Variants in KLHL12 observed in about 807,000 individuals in gnomAD.
KLHL12 encodes kelch like family member 12, also known as kelch-like protein 12.
KLHL12 carries 17 observed loss-of-function variants against 60.8 expected under a neutral mutation model. That is an observed-to-expected ratio of 0.28 (90% CI 0.19 to 0.42). The LOEUF (loss-of-function observed/expected upper bound fraction) is 0.42, where lower values mean the gene tolerates loss of function less well. Among genes scored for constraint, KLHL12 ranks in the 10% least tolerant of loss-of-function variants. The pLI is 1.00. For synonymous variants in KLHL12, 220 were observed against 250.9 expected (o/e 0.88, Z 1.16); for missense variants, 468 against 722.3 (o/e 0.65, Z 4.04).
At position 202,894,231 on chromosome 1, in the gene KLHL12, T is replaced by C. The variant is rs1037191611; in HGVS notation, c.1346A>G (p.His449Arg). 2 of 1,558,412 alleles carry C rather than the reference T, an allele frequency of 1.3e-6. No homozygotes were observed. Among genetic ancestry groups the C allele is most frequent in the African/African-American group, 1.4e-5 (1 of 73,630 alleles). The change falls in exon 10 of 12, where the codon CAT (histidine) becomes CGT (arginine). Residue 449 changes from histidine to arginine, a missense_variant. By Grantham distance (29) the His-to-Arg change is conservative. Transcript: ENST00000367261. ...TGTAACATTAGTCCAATGTCCTGTA[T>C]GAGGGTCGTATTTCTCAACTGAATT... is the stretch of plus-strand genomic sequence containing the variant. ...ILNSVEKYDP[H>R]TGHWTNVTPM...
At chr1:202,925,868 G>C (rs899055382) in intron 1 of KLHL12, among the ~76,000 whole-genome samples, 3 of 152,158 alleles carry the variant, frequency 2.0e-5, no homozygotes, top group African/African-American at 7.2e-5. Flanking sequence ...CACTTTAGGA[G>C]GCTGAGGTGG....
At position 202,896,898 on chromosome 1, in the gene KLHL12, C is replaced by T; in HGVS notation, c.895G>A (p.Val299Ile). ...TGAGTCTTGGGGTCATATTTCTCTA[C>T]CACATCAATGGGAGACTGCTGGCTT... ...FGSQQSPIDV[V>I]EKYDPKTQEW... The change falls in exon 7 of 12, where the codon GTA becomes ATA. Residue 299 changes from valine to isoleucine, a missense_variant. Around this residue, in one of 4 missense-constraint regions of KLHL12, gnomAD observed 339 missense variants for 525.0 expected, o/e 0.65. Transcript: ENST00000367261. The T allele has an allele frequency of 8.7e-6, 14 of 1,614,180 alleles. No individual in the cohort carries two copies. The highest frequency in any genetic ancestry group is 1.2e-5 in the Non-Finnish European group (14 of 1,180,026).
At chr1:202,919,679 T>C in intron 3 of KLHL12, 76 bp downstream of exon 3, 2 of 1,380,270 alleles carry the variant, frequency 1.4e-6, no homozygotes, top group Non-Finnish European at 2.0e-6. Context: ...ATGTTCATGA[T>C]TAAGTTTACA....
chr1:202,913,115 G>C (rs183670774), intron 4 of KLHL12, among the ~76,000 whole-genome samples: 1 of 151,672 alleles, frequency 6.6e-6, no homozygotes, highest in Non-Finnish European at 1.5e-5. Context: ...AGGAACTACT[G>C]TGTATTACGC....
intron 6 of KLHL12, among the ~76,000 whole-genome samples, chr1:202,903,417 G>T (rs1336904870): frequency 1.4e-5 from 2 of 140,096 alleles, no homozygotes; most frequent in African/African-American, 5.3e-5. Context: ...GCCCTTCTGC[G>T]AACTGTACAC....
At chr1:202,903,629 C>CTTTTCTTTTTTTTT (rs1473582493) in intron 6 of KLHL12, among the ~76,000 whole-genome samples, 8 of 76,090 alleles carry the variant, frequency 1.1e-4, no homozygotes, top group African/African-American at 2.2e-4. Context: ...TTTTTCTTTT[C>CTTTTCTTTTTTTTT]TTTTTTTTTT....
intron 10 of KLHL12, 124 bp downstream of exon 10, chr1:202,894,058 CAG>C: frequency 1.7e-6 from 1 of 582,248 alleles, no homozygotes; most frequent in Non-Finnish European, 3.1e-6. Flanking sequence ...TTAGAGAAAA[CAG>C]AGACAAGGAG....
intron 1 of KLHL12, 94 bp from the exon 2 acceptor site, chr1:202,925,301 T>A: frequency 2.8e-6 from 4 of 1,406,012 alleles, no homozygotes; most frequent in Non-Finnish European, 3.8e-6. Context: ...CCTAAGAGGC[T>A]TCCTCAGACC....
At chr1:202,906,928 C>T (rs1660211342) in intron 6 of KLHL12, among the ~76,000 whole-genome samples, 1 of 152,106 alleles carries the variant, frequency 6.6e-6, no homozygotes, top group African/African-American at 2.4e-5. Context: ...TCCCAAAGTG[C>T]TGGGATTACA....
At chr1:202,911,703 A>C (rs1660367051) in intron 4 of KLHL12, 2 of 562,662 alleles carry the variant, frequency 3.6e-6, no homozygotes, top group Non-Finnish European at 3.2e-6. Flanking sequence ...CCTCTGAAGC[A>C]GGAGCTTCTC....
chr1:202,898,348 A>G (rs1266912060), intron 6 of KLHL12, among the ~76,000 whole-genome samples: 1 of 152,250 alleles, frequency 6.6e-6, no homozygotes, highest in African/African-American at 2.4e-5. Flanking sequence ...TCTTATGAGT[A>G]ACCTGGACTT....
chr1:202,899,567 TG>T (rs1466420147), intron 6 of KLHL12, among the ~76,000 whole-genome samples: 1 of 152,092 alleles, frequency 6.6e-6, no homozygotes, highest in African/African-American at 2.4e-5. Flanking sequence ...GGCTCATGCC[TG>T]TAATCCTAGC....
intron 4 of KLHL12, among the ~76,000 whole-genome samples, chr1:202,917,248 T>C (rs1267690398): frequency 6.6e-6 from 1 of 152,144 alleles, no homozygotes; most frequent in Non-Finnish European, 1.5e-5. Context: ...AGGGTCTCCC[T>C]CTGTTGCCTA....
chr1:202,892,791 G>A (rs1326980283), intron 11 of KLHL12, 132 bp from the exon 12 acceptor site: 4 of 831,536 alleles, frequency 4.8e-6, no homozygotes, highest in Non-Finnish European at 7.4e-6. Context: ...GACCAGCCTG[G>A]GCAACATGGT....
chr1:202,920,886 G>A (rs114296224), intron 2 of KLHL12, among the ~76,000 whole-genome samples: 242 of 152,238 alleles, frequency 1.6e-3, no homozygotes, highest in African/African-American at 5.4e-3. Context: ...ACATAACACT[G>A]GTCCGTGAAC....
intron 4 of KLHL12, among the ~76,000 whole-genome samples, chr1:202,913,172 T>C (rs1018816061): frequency 2.0e-5 from 3 of 152,066 alleles, no homozygotes; most frequent in African/African-American, 4.8e-5. Context: ...CTGGGGAACT[T>C]AGATCTAAGC....
chr1:202,921,286 T>G (rs1299503331), intron 2 of KLHL12, among the ~76,000 whole-genome samples: 1 of 152,112 alleles, frequency 6.6e-6, no homozygotes, highest in Admixed American at 6.6e-5. Context: ...GCGATTCTCC[T>G]GCCTCAGCCG....
intron 10 of KLHL12, 133 bp downstream of exon 10, chr1:202,894,051 G>T: frequency 3.5e-6 from 2 of 577,446 alleles, no homozygotes; most frequent in Non-Finnish European, 6.2e-6. Context: ...CTAGTATTTA[G>T]AGAAAACAGA....
chr1:202,920,023 A>G, intron 2 of KLHL12, 115 bp from the exon 3 acceptor site: 4 of 1,010,896 alleles, frequency 4.0e-6, no homozygotes, highest in Middle Eastern at 2.3e-4. Context: ...TTTATCTTTA[A>G]AAATTACAGG....
Sources: gnomAD v4.1 joint callset for allele counts (sites outside exome capture counted in the v4.1 genomes callset) on GRCh38, gnomAD v4.1.1 for gene constraint, gnomAD v4.1.1 regional missense constraint, MANE v1.5 for transcripts, NCBI Gene and HGNC (gene_info 2026-07-23, HGNC 2026-07-21) for gene names.